The following SRCIN1 variants were observed in gnomAD, a reference collection of about 807,000 sequenced individuals.
SRCIN1 encodes P130Cas-associated protein.
SRCIN1 carries 50 observed loss-of-function variants against 116.2 expected under a neutral mutation model. The observed-to-expected ratio is 0.43, with a 90% CI of 0.34 to 0.54. The LOEUF is 0.54. Ranked by LOEUF, SRCIN1 falls within the 20% of genes least tolerant of loss-of-function variation. SRCIN1 has a pLI of 0.02. For missense variants in SRCIN1, 1,446 were observed against 1,672.0 expected, an observed-to-expected ratio of 0.86 and a Z score of 2.36; for synonymous variants, 736 against 750.0, an observed-to-expected ratio of 0.98 and a Z score of 0.30.
At position 38,605,800 on chromosome 17, in the gene SRCIN1, G is replaced by T; in HGVS notation, c.-95C>A. The stretch of plus-strand genomic sequence containing the variant: ...GGCTCCTCGCTCGGCCCCAGCCCCG[G>T]GGCGCGGTGCCAGGCGGGCGGGCCG... On this transcript the variant is annotated 5_prime_UTR_variant, in exon 1 of 19. Transcript: ENST00000617146. The T allele has an allele frequency of 2.2e-6, 1 of 462,784 alleles. No individual in the cohort carries two copies. Among genetic ancestry groups the T allele is most frequent in the Non-Finnish European group, 2.9e-6 (1 of 348,386 alleles). The allele number at this position is 462,784 out of a possible 1,614,324, so 28.7% of individuals were successfully genotyped here. A position where few individuals can be genotyped will look rare whatever the true frequency, so the allele number is the denominator to read the frequency against.
chr17:38,578,464 G>GGAGCCA, intron 2 of SRCIN1, 26 bp downstream of exon 2: 1 of 1,548,250 alleles, frequency 6.5e-7, no homozygotes, highest in South Asian at 1.2e-5. Flanking sequence ...GGCCGCAGCC[G>GGAGCCA]CAGCCGCAGC....
rs552248324 is a variant in SRCIN1, at chr17:38,587,039, G to A, written c.23-8248C>T. Among the ~76,000 whole-genome samples the A allele has an allele frequency of 2.7e-3, 408 of 152,220 alleles. 6 individuals carry two copies. The highest frequency in any genetic ancestry group is 5.0e-3 in the Admixed American group (77 of 15,300). On this transcript the variant is annotated intron_variant, in intron 1 of 18. Coordinates refer to ENST00000617146, the MANE Select transcript of SRCIN1 (RefSeq NM_025248.3). ...GGGCATCAGATGCTTCCCCAGCCCAGCTCTTCCTCCTCGCCCATCCCAGGC... is the reference window on the plus strand; with the variant it reads ...GGGCATCAGATGCTTCCCCAGCCCAACTCTTCCTCCTCGCCCATCCCAGGC...
rs1347015991 is a variant in SRCIN1, at chr17:38,561,486, C to T, written c.1677G>A (p.Val559=). 1 of 1,591,468 alleles carries T rather than the reference C, an allele frequency of 6.3e-7. No homozygotes were observed. The highest frequency in any genetic ancestry group is 2.3e-5 in the East Asian group (1 of 43,764). ...ERSLVGFGPP[V]PAKDTETRER... ...ACCTGGTCTCCGTGTCCTTGGCTGG[C>T]ACTGGCGGCCCGAACCCAACCAGCG... is the stretch of plus-strand genomic sequence containing the variant. Residue 559 remains valine (V), a synonymous_variant, in exon 7 of 19, where the codon GTG becomes GTA. Coordinates refer to ENST00000617146, the MANE Select transcript of SRCIN1 (RefSeq NM_025248.3).
At position 38,578,519 on chromosome 17, in the gene SRCIN1, G is replaced by T; in HGVS notation, c.295C>A (p.Arg99=). 2 of 1,592,706 alleles carry T rather than the reference G, an allele frequency of 1.3e-6. No individual in the cohort carries two copies. The highest frequency in any genetic ancestry group is 8.6e-7 in the Non-Finnish European group (1 of 1,162,874). The change falls in exon 2 of 19, where the codon CGA becomes AGA. Residue 99 remains arginine (R), a synonymous_variant. Coordinates refer to ENST00000617146, the MANE Select transcript of SRCIN1 (RefSeq NM_025248.3). The part of the protein sequence containing the change: ...SKYPQHALAL[R]GQQDRMREQP... ...TCTCGCATCCTGTCCTGCTGGCCTC[G>T]CAGGGCCAGGGCGTGCTGTGGGTAC...
chr17:38,561,684 G>C lies in SRCIN1; in HGVS notation c.1479C>G (p.Ser493Arg). Reference protein sequence around the residue: ...APPGGPPPPHSPYSGPPSRGS... With the variant: ...APPGGPPPPHRPYSGPPSRGS... ...CGCGGCTGGGCGGCCCCGAGTAGGG[G>C]CTGTGCGGTGGCGGGGGACCTCCGG... The change falls in exon 7 of 19, where the codon AGC (serine) becomes AGG (arginine). Residue 493 changes from serine to arginine, a missense_variant. This residue lies in a region of SRCIN1 where 398 missense variants were observed against 385.6 expected (regional missense o/e 1.03). Transcript: ENST00000617146. The C allele has an allele frequency of 6.4e-7, 1 of 1,557,992 alleles. No homozygotes were observed.
Position 38,563,307 on chromosome 17 carries a change from C to T in SRCIN1, c.740+16G>A, listed in dbSNP as rs1369645267. The T allele has an allele frequency of 6.4e-7, 1 of 1,562,788 alleles. No homozygotes were observed. Among genetic ancestry groups the T allele is most frequent in the Non-Finnish European group, 8.7e-7 (1 of 1,153,142 alleles). ...CGTGGGGAAGCCCACCCAAATCCCC[C>T]CCGGTCCACGCCCACCGGACGTCCT... is the stretch of plus-strand genomic sequence containing the variant. On this transcript the variant is annotated intron_variant, in intron 5 of 18. Transcript: ENST00000617146. The surrounding 1 kb of genome is among the most constrained non-coding windows in gnomAD (Gnocchi z 5.8).
At position 38,585,263 on chromosome 17, in the gene SRCIN1, C is replaced by CACA. The variant is rs1555611786; in HGVS notation, c.23-6473_23-6472insTGT. Reference sequence around the variant, plus strand: ...AGGACCTGCCTGCCTTAGGCCACACCCACACACACACACAAACACACAGCA... The same window carrying CACA: ...AGGACCTGCCTGCCTTAGGCCACACCACACACACACACACACAAACACACAGCA... On this transcript the variant is annotated intron_variant, in intron 1 of 18. Coordinates refer to ENST00000617146, the MANE Select transcript of SRCIN1 (RefSeq NM_025248.3). This position sits in a 1 kb window ranked among gnomAD's most constrained non-coding sequence, Gnocchi z 4.2. Among the ~76,000 whole-genome samples, 44 of 151,788 alleles carry CACA rather than the reference C, an allele frequency of 2.9e-4. No individual in the cohort carries two copies. The highest frequency in any genetic ancestry group is 5.6e-4 in the Non-Finnish European group (38 of 67,812).
At chr17:38,589,984 C>G (rs967469503) in intron 1 of SRCIN1, among the ~76,000 whole-genome samples, 2 of 152,172 alleles carry the variant, frequency 1.3e-5, no homozygotes, top group Non-Finnish European at 2.9e-5. Context: ...GAAGCCAGGG[C>G]CTGGTCAGAT....
intron 17 of SRCIN1, chr17:38,547,753 C>T (rs565585310): frequency 5.6e-5 from 18 of 320,598 alleles, no homozygotes; most frequent in South Asian, 2.7e-4. Flanking sequence ...GCAGCAGCCC[C>T]GTTACCTTCC....
At chr17:38,581,203 G>A (rs954606268) in intron 1 of SRCIN1, among the ~76,000 whole-genome samples, 3 of 152,006 alleles carry the variant, frequency 2.0e-5, no homozygotes, top group Non-Finnish European at 4.4e-5. Flanking sequence ...TCAGGAGTTC[G>A]AGACCAGCCT....
intron 2 of SRCIN1, among the ~76,000 whole-genome samples, chr17:38,571,180 G>C: frequency 6.6e-6 from 1 of 152,242 alleles, no homozygotes; most frequent in African/African-American, 2.4e-5. Flanking sequence ...TGAGAGCAAA[G>C]GGCTCCTCTA....
chr17:38,552,983 C>T lies in SRCIN1; in HGVS notation c.2202-128G>A, dbSNP rs1293280769. On this transcript the variant is annotated intron_variant, in intron 11 of 18. Coordinates refer to ENST00000617146, the MANE Select transcript of SRCIN1 (RefSeq NM_025248.3). The surrounding 1 kb of genome is among the most constrained non-coding windows in gnomAD (Gnocchi z 5.3). ...AAAGTAAAAGCAGGAGGCTGGGCAC[C>T]GTGGCTCACGCCCGTAATCTCAGTA... 23 of 1,420,540 alleles carry T rather than the reference C, an allele frequency of 1.6e-5. No individual in the cohort carries two copies. Among genetic ancestry groups the T allele is most frequent in the African/African-American group, 2.9e-5 (2 of 69,988 alleles). 88.0% of individuals were successfully genotyped at this position (1,420,540 alleles called of 1,614,324 possible).
rs1007376528 is a variant in SRCIN1, at chr17:38,572,533, G to A, written c.325-4302C>T. 6.6e-6 allele frequency: 1 copy of A among 152,108 alleles called. No individual in the cohort carries two copies. The highest frequency in any genetic ancestry group is 1.5e-5 in the Non-Finnish European group (1 of 68,034). 9.4% of individuals were successfully genotyped at this position (152,108 alleles called of 1,614,324 possible). On this transcript the variant is annotated intron_variant, in intron 2 of 18. Coordinates refer to ENST00000617146, the MANE Select transcript of SRCIN1 (RefSeq NM_025248.3). The surrounding 1 kb of genome is among the most constrained non-coding windows in gnomAD (Gnocchi z 4.3). ...GGGAGGAGGCGTTTCTCAGGGATCG[G>A]GAACCTGCAATGGCCTGGACGTCCC...
At position 38,552,266 on chromosome 17, in the gene SRCIN1, C is replaced by G; in HGVS notation, c.2481-134G>C. 7.0e-7 allele frequency: 1 copy of G among 1,437,954 alleles called. No individual in the cohort carries two copies. The highest frequency in any genetic ancestry group is 9.3e-7 in the Non-Finnish European group (1 of 1,072,732). 89.1% of individuals were successfully genotyped at this position (1,437,954 alleles called of 1,614,324 possible). ...GGGAGGGCCTGGGGAGGAGTGACTG[C>G]CCCTGGTATAAGAGGAAGCCAGGTC... On this transcript the variant is annotated intron_variant, in intron 13 of 18. Coordinates refer to ENST00000617146, the MANE Select transcript of SRCIN1 (RefSeq NM_025248.3). This position sits in a 1 kb window ranked among gnomAD's most constrained non-coding sequence, Gnocchi z 5.3.
chr17:38,559,540 C>T (rs756236454), intron 10 of SRCIN1, 45 bp downstream of exon 10: 4 of 1,574,898 alleles, frequency 2.5e-6, no homozygotes, highest in African/African-American at 1.3e-5. Flanking sequence ...GGACTTCTAC[C>T]AGTAGGTGGG....
rs1905977206 is a variant in SRCIN1 at position 38,558,627 on chromosome 17, A to C, written c.2026-225T>G. Among the ~76,000 whole-genome samples the C allele has an allele frequency of 6.6e-6, 1 of 152,174 alleles. No individual in the cohort carries two copies. The highest frequency in any genetic ancestry group is 1.5e-5 in the Non-Finnish European group (1 of 68,038). The stretch of plus-strand genomic sequence containing the variant: ...AGAGGGCTAAGTTCTGGGGAAGAAC[A>C]GAGGCAGGAGGAGAACGGATGGGGA... On this transcript the variant is annotated intron_variant, in intron 10 of 18. Coordinates refer to ENST00000617146, the MANE Select transcript of SRCIN1 (RefSeq NM_025248.3). This position sits in a 1 kb window ranked among gnomAD's most constrained non-coding sequence, Gnocchi z 4.6.
intron 1 of SRCIN1, among the ~76,000 whole-genome samples, chr17:38,595,193 C>A (rs1908657965): frequency 6.6e-6 from 1 of 152,144 alleles, no homozygotes; most frequent in South Asian, 2.1e-4. Context: ...GTGCCTGGCA[C>A]AGAGAAAGTG....
chr17:38,570,776 G>T (rs1907032335), intron 2 of SRCIN1, among the ~76,000 whole-genome samples: 1 of 152,228 alleles, frequency 6.6e-6, no homozygotes, highest in Admixed American at 6.5e-5. Context: ...TGGAAGGGAC[G>T]TATCACTAGC....
chr17:38,541,747 G>C (rs1259859185), intron 18 of SRCIN1: 2 of 152,484 alleles, frequency 1.3e-5, no homozygotes, highest in African/African-American at 4.8e-5. Context: ...GAGCTCAGGA[G>C]TTTGAGACCA....
Sources: gnomAD v4.1 joint callset for allele counts (sites outside exome capture counted in the v4.1 genomes callset) on GRCh38, gnomAD v4.1.1 for gene constraint, gnomAD v4.1.1 regional missense constraint, Gnocchi (gnomAD v3.1) non-coding constraint, MANE v1.5 for transcripts, NCBI Gene and HGNC (gene_info 2026-07-23, HGNC 2026-07-21) for gene names.